Variants in GRM7 observed in about 807,000 individuals in gnomAD.
The protein encoded by GRM7 is glutamate metabotropic receptor 7, also known as metabotropic glutamate receptor 7.
In GRM7, 35 loss-of-function variants were observed where a neutral mutation model predicts 84.5. The observed-to-expected ratio is 0.41, with a 90% CI of 0.32 to 0.55. GRM7 has a LOEUF of 0.55. Ranked by LOEUF, GRM7 falls within the 20% of genes least tolerant of loss-of-function variation. The pLI is 0.19. For synonymous variants in GRM7, 487 were observed against 455.1 expected, an observed-to-expected ratio of 1.07 and a Z score of -0.89; for missense variants, 1,003 against 1,194.6, an observed-to-expected ratio of 0.84 and a Z score of 2.36.
At position 6,965,230 on chromosome 3, in the gene GRM7, T is replaced by C. The variant is rs368872926; in HGVS notation, c.519+103323T>C. ...CACAGAGAGGACAGAGAAAAGTTGT[T>C]CAAGAACAATCCAGTCTTCTGTGTC... On this transcript the variant is annotated intron_variant, in intron 1 of 9. Transcript: ENST00000357716. Among the ~76,000 whole-genome samples the C allele has an allele frequency of 1.1e-4, 16 of 152,334 alleles. No individual in the cohort carries two copies. In the East Asian group the frequency reaches 2.3e-3, roughly 22 times the overall value.
At chr3:7,537,289 A>G (rs1018080818) in intron 7 of GRM7, among the ~76,000 whole-genome samples, 2 of 152,112 alleles carry the variant, frequency 1.3e-5, no homozygotes, top group Non-Finnish European at 1.5e-5. Flanking sequence ...TGACTTTTCA[A>G]GGTATCTACC....
chr3:7,509,945 G>A (rs551544865), intron 7 of GRM7, among the ~76,000 whole-genome samples: 3 of 152,228 alleles, frequency 2.0e-5, no homozygotes, highest in Non-Finnish European at 4.4e-5. Context: ...GAAAAAGAGA[G>A]CTAAACCTGG....
chr3:7,598,711 T>G (rs1696165995), intron 8 of GRM7, among the ~76,000 whole-genome samples: 1 of 152,178 alleles, frequency 6.6e-6, no homozygotes, highest in African/African-American at 2.4e-5. Context: ...ATTCTGTGTT[T>G]AATGAGGTAC....
At chr3:6,881,876 G>A (rs141996562) in intron 1 of GRM7, among the ~76,000 whole-genome samples, 21 of 151,894 alleles carry the variant, frequency 1.4e-4, no homozygotes, top group African/African-American at 4.4e-4. Flanking sequence ...TAGTCAATAG[G>A]TGTTCATTTC....
At chr3:7,499,973 A>T (rs1055293276) in intron 7 of GRM7, among the ~76,000 whole-genome samples, 3 of 152,042 alleles carry the variant, frequency 2.0e-5, no homozygotes, top group Non-Finnish European at 4.4e-5. Context: ...ACGGGGTTTC[A>T]CCGTGTTAGC....
chr3:7,400,866 A>G (rs1222079243), intron 4 of GRM7, among the ~76,000 whole-genome samples: 1 of 152,202 alleles, frequency 6.6e-6, no homozygotes, highest in Admixed American at 6.5e-5. Context: ...TTCAGTGTGC[A>G]CATTCACCAA....
chr3:7,442,761 T>G (rs1040411521), intron 5 of GRM7, among the ~76,000 whole-genome samples: 8 of 152,278 alleles, frequency 5.3e-5, no homozygotes, highest in Admixed American at 5.2e-4. Flanking sequence ...GGAAGCACAT[T>G]AATCCAAGAG....
At chr3:7,475,103 A>G (rs931385987) in intron 7 of GRM7, among the ~76,000 whole-genome samples, 5 of 152,192 alleles carry the variant, frequency 3.3e-5, no homozygotes, top group African/African-American at 1.2e-4. Context: ...TGAGGATGAC[A>G]ATGAGAAAGA....
chr3:6,941,596 AG>A (rs1320628607), intron 1 of GRM7, among the ~76,000 whole-genome samples: 1 of 152,224 alleles, frequency 6.6e-6, no homozygotes, highest in African/African-American at 2.4e-5. Flanking sequence ...CAACTGATTT[AG>A]ACAAAGCCAC....
rs111469367 is a variant in GRM7, at chr3:7,361,927, A to T, written c.1034-53096A>T. Among the ~76,000 whole-genome samples the T allele has an allele frequency of 3.4e-3, 517 of 152,246 alleles. 2 individuals carry two copies. The highest frequency in any genetic ancestry group is 0.012 in the South Asian group (59 of 4,828). On this transcript the variant is annotated intron_variant, in intron 4 of 9. Coordinates refer to ENST00000357716, the MANE Select transcript of GRM7 (RefSeq NM_000844.4). Reference sequence around the variant, plus strand: ...CAATTAATTCAAGATTGGGAACCATAGAACTGGAGGCTCTCTAGGGATAAT... The same window carrying T: ...CAATTAATTCAAGATTGGGAACCATTGAACTGGAGGCTCTCTAGGGATAAT...
intron 9 of GRM7, among the ~76,000 whole-genome samples, chr3:7,714,287 TCAAAA>T (rs1027294147): frequency 2.0e-5 from 3 of 152,082 alleles, no homozygotes; most frequent in Admixed American, 6.6e-5. Flanking sequence ...TTTCCATATC[TCAAAA>T]CAAAGAATAA....
chr3:7,217,430 A>G (rs1429174552), intron 2 of GRM7, among the ~76,000 whole-genome samples: 1 of 152,200 alleles, frequency 6.6e-6, no homozygotes, highest in Non-Finnish European at 1.5e-5. Flanking sequence ...CGGACTTTTA[A>G]AACAGAAATG....
intron 2 of GRM7, among the ~76,000 whole-genome samples, chr3:7,189,886 G>A (rs751058349): frequency 2.9e-4 from 44 of 151,896 alleles, no homozygotes; most frequent in African/African-American, 6.0e-4. Flanking sequence ...ATGACTAAAC[G>A]TTGCCTCTTT....
At chr3:7,470,572 C>T (rs1698659062) in intron 7 of GRM7, among the ~76,000 whole-genome samples, 1 of 152,128 alleles carries the variant, frequency 6.6e-6, no homozygotes, top group South Asian at 2.1e-4. Flanking sequence ...CAAACATGTA[C>T]ATTAGAGAGC....
chr3:7,701,030 A>AC (rs1215684205), intron 9 of GRM7, among the ~76,000 whole-genome samples: 1 of 152,110 alleles, frequency 6.6e-6, no homozygotes, highest in African/African-American at 2.4e-5. Context: ...AGCCCTTTTT[A>AC]CCCTTTCCCC....
At chr3:7,297,742 G>GT (rs1699861293) in intron 2 of GRM7, among the ~76,000 whole-genome samples, 3 of 152,186 alleles carry the variant, frequency 2.0e-5, no homozygotes, top group African/African-American at 7.2e-5. Flanking sequence ...TTAGAGTAAG[G>GT]TTTTTTACCT....
chr3:7,319,021 A>G (rs1172528768), intron 4 of GRM7, among the ~76,000 whole-genome samples: 1 of 152,088 alleles, frequency 6.6e-6, no homozygotes, highest in Non-Finnish European at 1.5e-5. Flanking sequence ...AGGTTGTTTC[A>G]TTGAACTTGC....
chr3:7,233,856 T>A (rs550507134), intron 2 of GRM7, among the ~76,000 whole-genome samples: 1 of 152,296 alleles, frequency 6.6e-6, no homozygotes, highest in African/African-American at 2.4e-5. Flanking sequence ...CCCCAACTTT[T>A]GCTTTAAGAC....
chr3:7,256,570 A>G (rs1698209114), intron 2 of GRM7, among the ~76,000 whole-genome samples: 1 of 152,110 alleles, frequency 6.6e-6, no homozygotes, highest in African/African-American at 2.4e-5. Context: ...TCGAGGTAGT[A>G]ATATGGCTAT....
Sources: allele counts gnomAD v4.1 joint callset (sites outside exome capture counted in the v4.1 genomes callset), GRCh38; gene constraint gnomAD v4.1.1; transcripts MANE v1.5; gene names NCBI Gene and HGNC (gene_info 2026-07-23, HGNC 2026-07-21).